Variants in CD70 observed in about 807,000 individuals in gnomAD.
CD70 encodes CD70 antigen.
CD70 carries 6 observed loss-of-function variants against 9.0 expected under a neutral mutation model. That is an observed-to-expected ratio of 0.67 (90% CI 0.37 to 1.32). The LOEUF (loss-of-function observed/expected upper bound fraction) is 1.32, where lower values mean the gene tolerates loss of function less well. Ranked by LOEUF, CD70 falls within the 40% of genes most tolerant of loss-of-function variation. CD70 has a pLI of 0.02. For missense variants in CD70, 235 were observed against 258.7 expected, an observed-to-expected ratio of 0.91 and a Z score of 0.63; for synonymous variants, 108 against 112.3, an observed-to-expected ratio of 0.96 and a Z score of 0.24.
intron 2 of CD70, among the ~76,000 whole-genome samples, chr19:6,587,280 G>A (rs1053300901): frequency 1.3e-5 from 2 of 150,648 alleles, no homozygotes; most frequent in South Asian, 2.1e-4. Flanking sequence ...GAGAGAGCAC[G>A]AGAGAGCAGG....
intron 2 of CD70, among the ~76,000 whole-genome samples, chr19:6,588,940 G>A (rs1239614913): frequency 2.6e-5 from 4 of 152,182 alleles, no homozygotes; most frequent in Non-Finnish European, 5.9e-5. Flanking sequence ...ATTAGTGCTT[G>A]TAGCATGAAT....
At chr19:6,589,710 C>T (rs542637887) in intron 2 of CD70, among the ~76,000 whole-genome samples, 6 of 151,816 alleles carry the variant, frequency 4.0e-5, no homozygotes, top group African/African-American at 1.2e-4. Flanking sequence ...TTTTTATTCT[C>T]TCTTCCTCTA....
intron 2 of CD70, among the ~76,000 whole-genome samples, chr19:6,589,173 G>A (rs1260400979): frequency 6.9e-6 from 1 of 144,768 alleles, no homozygotes. Context: ...CCCCCGCCCT[G>A]TTTTTCTTCT....
chr19:6,588,047 C>T (rs906988667), intron 2 of CD70, among the ~76,000 whole-genome samples: 3 of 152,144 alleles, frequency 2.0e-5, no homozygotes, highest in Admixed American at 1.3e-4. Context: ...CGTCTCCTGT[C>T]TCCGCAACTT....
chr19:6,587,021 CGA>C (rs1474029680), intron 2 of CD70, among the ~76,000 whole-genome samples: 1 of 148,786 alleles, frequency 6.7e-6, no homozygotes, highest in Non-Finnish European at 1.5e-5. Context: ...TGAGAGAGGA[CGA>C]GAGTGCACGA....
At position 6,590,067 on chromosome 19, in the gene CD70, C is replaced by T. The variant is rs998391127; in HGVS notation, c.196+36G>A. 3 of 1,589,450 alleles carry T rather than the reference C, an allele frequency of 1.9e-6. No homozygotes were observed. The highest frequency in any genetic ancestry group is 1.7e-5 in the Admixed American group (1 of 59,320). On this transcript the variant is annotated intron_variant, in intron 2 of 2. Transcript: ENST00000245903. This position sits in a 1 kb window ranked among gnomAD's most constrained non-coding sequence, Gnocchi z 5.3. ...TCTCCTTCCTTCTCTCTCTGTGCCTCTTCTTCTCCCCGTCCCTCCACGTCC... is the reference window on the plus strand; with the variant it reads ...TCTCCTTCCTTCTCTCTCTGTGCCTTTTCTTCTCCCCGTCCCTCCACGTCC...
In CD70 at chr19:6,590,773, A is replaced by G; in HGVS notation, c.162+68T>C. ...CTTCCTCTCTGGCCTCTTTGTACCC[A>G]TCTCATTCTGTCTTTTCGGTCACGC... On this transcript the variant is annotated intron_variant, in intron 1 of 2. Transcript: ENST00000245903. This position sits in a 1 kb window ranked among gnomAD's most constrained non-coding sequence, Gnocchi z 5.3. 7.3e-7 allele frequency: 1 copy of G among 1,364,428 alleles called. No homozygotes were observed. The highest frequency in any genetic ancestry group is 1.3e-5 in the South Asian group (1 of 78,942). 84.5% of individuals were successfully genotyped at this position (1,364,428 alleles called of 1,614,324 possible). A position where few individuals can be genotyped will look rare whatever the true frequency, so the allele number is the denominator to read the frequency against.
At position 6,586,216 on chromosome 19, in the gene CD70, G is replaced by C. The variant is rs1335162251; in HGVS notation, c.386C>G (p.Ala129Gly). ...TASRHHPTTL[A>G]VGICSPASRS... ...GGAGGCGGGAGAGCAGATTCCCACG[G>C]CCAGGGTGGTGGGGTGGTGCCTGGA... Residue 129 changes from alanine to glycine, a missense_variant, in exon 3 of 3, where the codon GCC (alanine) becomes GGC (glycine). By Grantham distance (60) the Ala-to-Gly change is moderately conservative (BLOSUM62 0). Coordinates refer to ENST00000245903, the MANE Select transcript of CD70 (RefSeq NM_001252.5). The C allele has an allele frequency of 6.8e-6, 11 of 1,613,962 alleles. No individual in the cohort carries two copies. The highest frequency in any genetic ancestry group is 1.3e-5 in the African/African-American group (1 of 74,934).
At chr19:6,582,251 G>C (rs915987443), downstream of CD70, among the ~76,000 whole-genome samples, 23 of 151,416 alleles carry the variant, frequency 1.5e-4, no homozygotes, top group African/African-American at 5.3e-4. Flanking sequence ...GCCCAGGCTG[G>C]TCTCGAACTC....
At chr19:6,582,217 G>T (rs1288284138), downstream of CD70, among the ~76,000 whole-genome samples, 8 of 150,238 alleles carry the variant, frequency 5.3e-5, no homozygotes, top group Admixed American at 1.3e-4. Flanking sequence ...TTGTATTTTA[G>T]TAGAAACGGG....
chr19:6,586,441 G>T (rs571905519), intron 2 of CD70, 36 bp from the exon 3 acceptor site: 2 of 1,557,132 alleles, frequency 1.3e-6, no homozygotes. Context: ...AGAGGATGGA[G>T]GTTTAGGGAA....
In CD70 at chr19:6,590,701, C is replaced by A; in HGVS notation, c.162+140G>T. 1 of 755,530 alleles carries A rather than the reference C, an allele frequency of 1.3e-6. No individual in the cohort carries two copies. The highest frequency in any genetic ancestry group is 2.1e-6 in the Non-Finnish European group (1 of 467,032). 46.8% of individuals were successfully genotyped at this position (755,530 alleles called of 1,614,324 possible). ...TAGCCCCTACACCGGGCAGCCTGGT[C>A]CCCGCCTCGCCTCCCTGTTCTGGTC... On this transcript the variant is annotated intron_variant, in intron 1 of 2. Coordinates refer to ENST00000245903, the MANE Select transcript of CD70 (RefSeq NM_001252.5). The surrounding 1 kb of genome is among the most constrained non-coding windows in gnomAD (Gnocchi z 5.3).
downstream of CD70, among the ~76,000 whole-genome samples, chr19:6,585,556 G>A (rs529840942): frequency 6.6e-6 from 1 of 152,124 alleles, no homozygotes; most frequent in South Asian, 2.1e-4. Context: ...TGCCCAGGCT[G>A]GTCTTGAACT....
At position 6,587,867 on chromosome 19, in the gene CD70, C is replaced by A. The variant is rs574864654; in HGVS notation, c.197-1462G>T. Among the ~76,000 whole-genome samples, 259 of 152,246 alleles carry A rather than the reference C, an allele frequency of 1.7e-3. 2 individuals are homozygous for A. Among genetic ancestry groups the A allele is most frequent in the African/African-American group, 6.1e-3 (255 of 41,550 alleles). ...GGGAGGTGGCATGCGCCACCATGACCAGCTAATTTTCAAAATTTTGTTCTA... is the reference window on the plus strand; with the variant it reads ...GGGAGGTGGCATGCGCCACCATGACAAGCTAATTTTCAAAATTTTGTTCTA... On this transcript the variant is annotated intron_variant, in intron 2 of 2. Coordinates refer to ENST00000245903, the MANE Select transcript of CD70 (RefSeq NM_001252.5).
At chr19:6,586,462 AG>A (rs3837945) in intron 2 of CD70, 57 bp from the exon 3 acceptor site, 194,622 of 1,504,888 alleles carry the variant, frequency 0.13, 13,082 homozygotes, top group South Asian at 0.15. Context: ...ACTGAGGCAC[AG>A]GGGGTCATAG....
chr19:6,589,972 T>C, intron 2 of CD70, 131 bp downstream of exon 2: 1 of 576,986 alleles, frequency 1.7e-6, no homozygotes. Flanking sequence ...TCCCTATCTC[T>C]CCCTCCCTCT....
downstream of CD70, among the ~76,000 whole-genome samples, chr19:6,585,133 C>T (rs1170846317): frequency 6.6e-6 from 1 of 151,906 alleles, no homozygotes; most frequent in African/African-American, 2.4e-5. Context: ...ATTACAGGCG[C>T]CCTGGACCAC....
chr19:6,587,120 G>A (rs1445519330), intron 2 of CD70, among the ~76,000 whole-genome samples: 1 of 151,160 alleles, frequency 6.6e-6, no homozygotes, highest in Non-Finnish European at 1.5e-5. Context: ...GAGAGTGCAC[G>A]AGAGAGTGCG....
chr19:6,583,159 A>T (rs1298311449), downstream of CD70: 4 of 461,644 alleles, frequency 8.7e-6, no homozygotes, highest in South Asian at 1.4e-4. Flanking sequence ...ATGCGGGATT[A>T]TCTGGCTTGG....
Sources: allele counts gnomAD v4.1 joint callset (sites outside exome capture counted in the v4.1 genomes callset), GRCh38; gene constraint gnomAD v4.1.1; non-coding constraint Gnocchi (gnomAD v3.1); transcripts MANE v1.5; gene names NCBI Gene and HGNC (gene_info 2026-07-23, HGNC 2026-07-21).